The following CLC variants were observed in gnomAD, a reference collection of about 807,000 sequenced individuals.
CLC encodes the protein galectin-10.
In CLC, 15 loss-of-function variants were observed where a neutral mutation model predicts 13.9. That is an observed-to-expected ratio of 1.08 (90% CI 0.72 to 1.66). CLC has a LOEUF of 1.66. Among genes scored for constraint, CLC ranks in the 40% most tolerant of loss-of-function variants. CLC has a pLI of 0.00. For missense variants in CLC, 161 were observed against 169.1 expected (o/e 0.95, Z 0.27); for synonymous variants, 68 against 59.9 (o/e 1.14, Z -0.63).
intron 3 of CLC, among the ~76,000 whole-genome samples, chr19:39,732,405 C>T (rs1175287536): frequency 1.2e-5 from 1 of 80,854 alleles, no homozygotes; most frequent in Admixed American, 9.4e-5. Flanking sequence ...CTACAAAGGA[C>T]GTGAACTCAT....
intron 3 of CLC, 89 bp downstream of exon 3, chr19:39,734,194 G>C: frequency 6.9e-7 from 1 of 1,439,420 alleles, no homozygotes; most frequent in Non-Finnish European, 9.5e-7. Flanking sequence ...CGGGGACAGA[G>C]GGAGTTATCT....
rs28439433 is a variant in CLC, at chr19:39,737,882, C to T, written c.15+56G>A. On this transcript the variant is annotated intron_variant, in intron 1 of 3. Transcript: ENST00000221804. ...CATATTTTCATCCCATAAAATCTCC[C>T]TCTTCCCTTTTCTGTGTGACCTGAG... The T allele has an allele frequency of 0.011, 17,006 of 1,561,288 alleles. 1,391 individuals carry two copies. The African/African-American group carries it at 0.19, about 18-fold the overall frequency.
At position 39,731,366 on chromosome 19, in the gene CLC, A is replaced by C. The variant is rs1344750385; in HGVS notation, c.*14T>G. 6.2e-7 allele frequency: 1 copy of C among 1,612,462 alleles called. No homozygotes were observed. Among genetic ancestry groups the C allele is most frequent in the African/African-American group, 1.3e-5 (1 of 74,886 alleles). ...CACGTAGAGACAGGGATTCCTTGGC[A>C]ACATGAAGTCTGGTTATCTCTTTAA... On this transcript the variant is annotated 3_prime_UTR_variant, in exon 4 of 4. Transcript: ENST00000221804.
Position 39,735,033 on chromosome 19 carries a change from G to C in CLC, c.56C>G (p.Thr19Ser). The change falls in exon 2 of 4, where the codon ACT becomes AGT. Residue 19 changes from threonine to serine, a missense_variant. Transcript: ENST00000221804. ...TEAASLSTGS[T>S]VTIKGRPLAC... ...AAGTGGTCGCCCTTTGATTGTCACA[G>C]TAGAACCAGTAGACAAAGAGGCAGC... is the stretch of plus-strand genomic sequence containing the variant. 1.2e-6 allele frequency: 2 copies of C among 1,613,894 alleles called. No homozygotes were observed. The highest frequency in any genetic ancestry group is 1.7e-6 in the Non-Finnish European group (2 of 1,179,760).
intron 3 of CLC, among the ~76,000 whole-genome samples, chr19:39,732,048 A>T (rs892921705): frequency 7.3e-5 from 11 of 150,798 alleles, no homozygotes; most frequent in Non-Finnish European, 1.0e-4. Context: ...ATCTTTATTT[A>T]TTTTTTTATG....
chr19:39,732,045 TTTA>T (rs951447251), intron 3 of CLC, among the ~76,000 whole-genome samples: 2 of 80,178 alleles, frequency 2.5e-5, no homozygotes, highest in African/African-American at 6.2e-5. Context: ...ATTATCTTTA[TTTA>T]TTTTTTTATG....
chr19:39,735,155 A>G, intron 1 of CLC, 82 bp from the exon 2 acceptor site: 1 of 948,780 alleles, frequency 1.1e-6, no homozygotes, highest in Non-Finnish European at 1.7e-6. Context: ...TGGTGCAGCC[A>G]GTTAGAGATC....
intron 2 of CLC, 80 bp from the exon 3 acceptor site, chr19:39,734,573 C>G: frequency 1.6e-6 from 2 of 1,275,002 alleles, no homozygotes; most frequent in Non-Finnish European, 2.3e-6. Context: ...TCTCTTTGCC[C>G]CTTCCGTGGT....
At chr19:39,734,571 C>A (rs1967279448) in intron 2 of CLC, 78 bp from the exon 3 acceptor site, 1 of 1,292,976 alleles carries the variant, frequency 7.7e-7, no homozygotes, top group Non-Finnish European at 1.1e-6. Context: ...AGTCTCTTTG[C>A]CCCTTCCGTG....
chr19:39,737,765 C>T (rs907206896), intron 1 of CLC, among the ~76,000 whole-genome samples, 173 bp downstream of exon 1: 2 of 152,108 alleles, frequency 1.3e-5, no homozygotes, highest in African/African-American at 4.8e-5. Flanking sequence ...CCCCCTACCC[C>T]CCTACCCCAG....
chr19:39,732,074 A>G (rs914270790), intron 3 of CLC, among the ~76,000 whole-genome samples: 1 of 78,978 alleles, frequency 1.3e-5, no homozygotes, highest in Non-Finnish European at 2.7e-5. Flanking sequence ...TAAATTATTT[A>G]TTTATTATTT....
intron 1 of CLC, 50 bp from the exon 2 acceptor site, chr19:39,735,123 C>G (rs769212291): frequency 7.5e-7 from 1 of 1,332,568 alleles, no homozygotes; most frequent in Non-Finnish European, 1.1e-6. Flanking sequence ...GGTGTGGCCT[C>G]CCCTCCTGTA....
chr19:39,737,159 G>T (rs1436082840), intron 1 of CLC, among the ~76,000 whole-genome samples: 2 of 151,954 alleles, frequency 1.3e-5, no homozygotes, highest in Admixed American at 1.3e-4. Flanking sequence ...AGAGACCTGA[G>T]GCTGGAGGCA....
chr19:39,733,073 G>T (rs7249847), intron 3 of CLC, among the ~76,000 whole-genome samples: 74,328 of 119,062 alleles, frequency 0.62, 24,119 homozygotes, highest in African/African-American at 0.73. Flanking sequence ...TCAAACAAAT[G>T]TACAAGAAAA....
At chr19:39,734,202 T>C in intron 3 of CLC, 81 bp downstream of exon 3, 2 of 1,476,590 alleles carry the variant, frequency 1.4e-6, no homozygotes, top group East Asian at 2.3e-5. Context: ...GAGGGAGTTA[T>C]CTGGAGTTAG....
chr19:39,734,659 A>C (rs1422593744), intron 2 of CLC, among the ~76,000 whole-genome samples, 166 bp from the exon 3 acceptor site: 1 of 152,204 alleles, frequency 6.6e-6, no homozygotes, highest in African/African-American at 2.4e-5. Flanking sequence ...CCATGGGTGG[A>C]AAGAGATGCT....
intron 2 of CLC, among the ~76,000 whole-genome samples, chr19:39,734,778 C>T (rs1967283509): frequency 6.6e-6 from 1 of 152,060 alleles, no homozygotes; most frequent in Non-Finnish European, 1.5e-5. Flanking sequence ...TGTCACAGCC[C>T]CAAGCCTTGA....
At chr19:39,737,137 T>G (rs1967324806) in intron 1 of CLC, among the ~76,000 whole-genome samples, 1 of 151,794 alleles carries the variant, frequency 6.6e-6, no homozygotes, top group Non-Finnish European at 1.5e-5. Context: ...CAGGCTAGGG[T>G]AGGAGACAGG....
At chr19:39,733,617 G>A (rs990589069) in intron 3 of CLC, among the ~76,000 whole-genome samples, 10 of 152,242 alleles carry the variant, frequency 6.6e-5, no homozygotes, top group South Asian at 2.1e-4. Context: ...AAAAAAATGA[G>A]GCAGCACCAT....
Sources: gnomAD v4.1 joint callset for allele counts (sites outside exome capture counted in the v4.1 genomes callset) on GRCh38, gnomAD v4.1.1 for gene constraint, MANE v1.5 for transcripts, NCBI Gene and HGNC (gene_info 2026-07-23, HGNC 2026-07-21) for gene names.